The following WNK3 variants were observed in gnomAD, a reference collection of about 807,000 sequenced individuals.
WNK3 encodes serine/threonine-protein kinase WNK3.
In WNK3, 18 loss-of-function variants were observed where a neutral mutation model predicts 116.7. That is an observed-to-expected ratio of 0.15 (90% CI 0.11 to 0.23). WNK3 has a LOEUF of 0.23. Among genes scored for constraint, WNK3 ranks in the 10% least tolerant of loss-of-function variants. WNK3 has a pLI of 1.00. For synonymous variants in WNK3, 404 were observed against 469.4 expected, an observed-to-expected ratio of 0.86 and a Z score of 1.80; for missense variants, 993 against 1,323.8, an observed-to-expected ratio of 0.75 and a Z score of 3.88.
intron 10 of WNK3, among the ~76,000 whole-genome samples, chrX:54,272,117 A>G (rs1200312296): frequency 1.8e-5 from 2 of 112,523 alleles, no homozygotes; most frequent in Non-Finnish European, 3.7e-5. Context: ...TTACAGAAAT[A>G]GTCTGATTCC....
intron 10 of WNK3, among the ~76,000 whole-genome samples, chrX:54,275,953 A>C (rs1330783836): frequency 1.8e-5 from 2 of 111,064 alleles, no homozygotes; most frequent in Non-Finnish European, 3.8e-5. Flanking sequence ...AGAGGGATAT[A>C]ATATAATGAT....
intron 22 of WNK3, among the ~76,000 whole-genome samples, chrX:54,204,386 G>C (rs1381133479): frequency 1.8e-5 from 2 of 111,704 alleles, no homozygotes; most frequent in African/African-American, 6.5e-5. Context: ...CCAAAGTGCT[G>C]AGATTACAGG....
At chrX:54,328,751 C>T (rs1256542345) in intron 2 of WNK3, among the ~76,000 whole-genome samples, 4 of 112,275 alleles carry the variant, frequency 3.6e-5, no homozygotes, top group Admixed American at 9.5e-5. Context: ...ATTTCCTCCA[C>T]ATTAGAGATT....
intron 22 of WNK3, among the ~76,000 whole-genome samples, chrX:54,225,592 G>A (rs1247592116): frequency 9.9e-6 from 1 of 101,511 alleles, no homozygotes; most frequent in Non-Finnish European, 2.0e-5. Context: ...CTGCACTCCA[G>A]CCTGGGCAAC....
chrX:54,207,509 CTTTTTTT>C (rs782017192), intron 22 of WNK3, among the ~76,000 whole-genome samples: 1 of 84,305 alleles, frequency 1.2e-5, no homozygotes, highest in African/African-American at 4.3e-5. Context: ...GCCCATTTAT[CTTTTTTT>C]TTTTTTTTTT....
intron 17 of WNK3, among the ~76,000 whole-genome samples, chrX:54,246,500 T>C (rs2068075401): frequency 9.2e-6 from 1 of 109,230 alleles, no homozygotes; most frequent in Non-Finnish European, 1.9e-5. Flanking sequence ...AGCAAGACAA[T>C]GAAGGGGAAG....
intron 22 of WNK3, among the ~76,000 whole-genome samples, chrX:54,215,342 C>T (rs1285731056): frequency 3.6e-5 from 4 of 111,195 alleles, no homozygotes; most frequent in African/African-American, 9.8e-5. Context: ...AGGCGCGCGC[C>T]GCCACGCCTG....
At chrX:54,198,164 A>G (rs1344978150) in exon 24 of WNK3, 1 of 409,603 alleles carries the variant, frequency 2.4e-6, no homozygotes, top group Non-Finnish European at 4.0e-6. Flanking sequence ...CAGAATGATG[A>G]GCTGTATCAA....
chrX:54,305,618 A>G (rs782616206), intron 5 of WNK3, among the ~76,000 whole-genome samples: 28 of 111,210 alleles, frequency 2.5e-4, no homozygotes, highest in African/African-American at 9.1e-4. Flanking sequence ...GTCTCCTTAC[A>G]CAAACTTCTA....
chrX:54,337,598 A>AAATAAATAAATAAATAAATG (rs782465314), intron 1 of WNK3, among the ~76,000 whole-genome samples: 2 of 106,169 alleles, frequency 1.9e-5, no homozygotes, highest in Non-Finnish European at 3.9e-5. Context: ...ATAAATAAAT[A>AAATAAATAAATAAATAAATG]AAATATTTGA....
intron 1 of WNK3, among the ~76,000 whole-genome samples, chrX:54,350,582 T>C (rs1387221292): frequency 1.8e-5 from 2 of 111,407 alleles, no homozygotes; most frequent in Non-Finnish European, 3.8e-5. Context: ...TATAAGAAAT[T>C]TGGTATTCCA....
chrX:54,266,717 T>TTA (rs782080677), intron 10 of WNK3, among the ~76,000 whole-genome samples: 2,057 of 107,874 alleles, frequency 0.019, 29 homozygotes, highest in East Asian at 0.092. Context: ...TTTAATTTAT[T>TTA]TATATATATA....
chrX:54,356,824 AAC>A lies in WNK3; in HGVS notation c.-120+860_-120+861del, dbSNP rs1189152770. On this transcript the variant is annotated intron_variant, in intron 1 of 23. Transcript: ENST00000354646. ...TGTTTTGAGGGTTCAGTCTCATTTT[AAC>A]AGTCTCTCAACCCCCAAGATACGGA... 5.4e-5 allele frequency among the ~76,000 whole-genome samples: 6 copies of A among 111,069 alleles called. No homozygotes were observed. In the Admixed American group the frequency reaches 5.8e-4, roughly 11 times the overall value.
chrX:54,222,896 T>A (rs2067781355), intron 22 of WNK3, among the ~76,000 whole-genome samples: 2 of 79,943 alleles, frequency 2.5e-5, no homozygotes, highest in African/African-American at 5.5e-5. Context: ...AAGTATAGTA[T>A]AATAATAATA....
intron 5 of WNK3, 116 bp downstream of exon 5, chrX:54,307,806 A>G: frequency 1.7e-6 from 1 of 600,398 alleles, no homozygotes; most frequent in Non-Finnish European, 2.6e-6. Context: ...ACAATTGTTA[A>G]TTTTAATACT....
At chrX:54,338,238 T>C (rs978544801) in intron 1 of WNK3, among the ~76,000 whole-genome samples, 5 of 110,692 alleles carry the variant, frequency 4.5e-5, no homozygotes, top group Non-Finnish European at 9.4e-5. Context: ...CTGGCCAACA[T>C]GGTGAAACCC....
intron 10 of WNK3, among the ~76,000 whole-genome samples, chrX:54,284,249 C>G (rs1401796833): frequency 9.0e-6 from 1 of 111,447 alleles, no homozygotes; most frequent in African/African-American, 3.3e-5. Flanking sequence ...ATGACTTGAA[C>G]AGGCACTTCA....
At chrX:54,318,869 C>T (rs782360749) in intron 2 of WNK3, among the ~76,000 whole-genome samples, 1 of 109,646 alleles carries the variant, frequency 9.1e-6, no homozygotes, top group African/African-American at 3.3e-5. Context: ...CTCCACTTCC[C>T]GGGATCAAGC....
intron 22 of WNK3, among the ~76,000 whole-genome samples, chrX:54,225,238 G>A (rs1603376323): frequency 9.2e-6 from 1 of 108,530 alleles, no homozygotes; most frequent in East Asian, 2.9e-4. Flanking sequence ...ACAACAGAGT[G>A]AGACCCTGCC....
Sources: gnomAD v4.1 joint callset for allele counts (sites outside exome capture counted in the v4.1 genomes callset) on GRCh38, gnomAD v4.1.1 for gene constraint, MANE v1.5 for transcripts, NCBI Gene and HGNC (gene_info 2026-07-23, HGNC 2026-07-21) for gene names.